Variants in RALGAPA2 observed in about 807,000 individuals in gnomAD.
The protein encoded by RALGAPA2 is Ral GTPase activating protein catalytic subunit alpha 2, also known as ral GTPase-activating protein subunit alpha-2.
A neutral mutation model predicts 230.4 loss-of-function variants in RALGAPA2; 139 were observed. That is an observed-to-expected ratio of 0.60 (90% CI 0.53 to 0.69). RALGAPA2 has a LOEUF of 0.69. RALGAPA2 is among the 30% of genes least tolerant of loss of function. The probability of loss-of-function intolerance (pLI) is 0.00; values close to 1 mark genes in which losing one functional copy is unlikely to be tolerated. For synonymous variants in RALGAPA2, 847 were observed against 837.8 expected (o/e 1.01, Z -0.19); for missense variants, 2,163 against 2,276.0 (o/e 0.95, Z 1.01).
rs1338608775 is a variant in RALGAPA2, at chr20:20,389,885, AT to A, written c.*3403del. The A allele has an allele frequency of 6.6e-6, 1 of 152,158 alleles. No individual in the cohort carries two copies. The highest frequency in any genetic ancestry group is 1.5e-5 in the Non-Finnish European group (1 of 68,032). The allele number at this position is 152,158 out of a possible 1,614,324, so 9.4% of individuals were successfully genotyped here. ...GAATCAAATGACACGCTATAACTTA[AT>A]TTACCATATTTATCAAATTTTTTCC... On this transcript the variant is annotated 3_prime_UTR_variant, in exon 40 of 40. Transcript: ENST00000202677.
intron 37 of RALGAPA2, among the ~76,000 whole-genome samples, chr20:20,454,216 A>T (rs1475925611): frequency 6.6e-6 from 1 of 152,240 alleles, no homozygotes; most frequent in Non-Finnish European, 1.5e-5. Context: ...TGAGATGATC[A>T]GCATAGAGTT....
rs567238480 is a variant in RALGAPA2 at position 20,687,459 on chromosome 20, C to T, written c.107-6658G>A. ...CAGTGATCCAGGACTGATCTCCTGACTTGCTTTGGCCAAAAAGGCCTTAAA... is the reference window on the plus strand; with the variant it reads ...CAGTGATCCAGGACTGATCTCCTGATTTGCTTTGGCCAAAAAGGCCTTAAA... On this transcript the variant is annotated intron_variant, in intron 1 of 39. Transcript: ENST00000202677. Among the ~76,000 whole-genome samples the T allele has an allele frequency of 2.0e-5, 3 of 152,058 alleles. No homozygotes were observed. The South Asian group carries it at 6.2e-4, about 31-fold the overall frequency.
intron 37 of RALGAPA2, among the ~76,000 whole-genome samples, chr20:20,468,368 C>T (rs1231367156): frequency 3.9e-5 from 6 of 152,296 alleles, no homozygotes; most frequent in Non-Finnish European, 5.9e-5. Context: ...TTCTGGCTGC[C>T]GCTCTTCAAT....
intron 37 of RALGAPA2, among the ~76,000 whole-genome samples, chr20:20,420,594 C>T (rs1430250360): frequency 1.3e-5 from 2 of 152,054 alleles, no homozygotes; most frequent in Non-Finnish European, 2.9e-5. Flanking sequence ...GACACACACA[C>T]CCTGGCGTGG....
rs996157480 is a variant in RALGAPA2 at position 20,467,605 on chromosome 20, G to A, written c.5495+5224C>T. Among the ~76,000 whole-genome samples the A allele has an allele frequency of 5.3e-5, 8 of 152,078 alleles. No individual in the cohort carries two copies. In the East Asian group the frequency reaches 5.8e-4, roughly 11 times the overall value. On this transcript the variant is annotated intron_variant, in intron 37 of 39. Transcript: ENST00000202677. ...TTGATTGATTGATTGTATTCTTAGC[G>A]ACTTGAGTTTTAATTTATCCACTTA...
intron 39 of RALGAPA2, among the ~76,000 whole-genome samples, chr20:20,394,508 T>C (rs2059665753): frequency 1.3e-5 from 2 of 152,150 alleles, no homozygotes; most frequent in Middle Eastern, 6.8e-3. Context: ...GGCATGGTGG[T>C]GCGCACCTGT....
chr20:20,429,056 C>G (rs948338607), intron 37 of RALGAPA2, among the ~76,000 whole-genome samples: 1 of 152,116 alleles, frequency 6.6e-6, no homozygotes, highest in Non-Finnish European at 1.5e-5. Flanking sequence ...AAACAAGCTA[C>G]CCAATGTTGG....
At chr20:20,663,586 A>G (rs2146691383) in intron 3 of RALGAPA2, among the ~76,000 whole-genome samples, 1 of 152,080 alleles carries the variant, frequency 6.6e-6, no homozygotes, top group Middle Eastern at 3.4e-3. Context: ...TTTTGGAGCC[A>G]TTATTATTAT....
At chr20:20,486,767 C>T (rs1166805905) in intron 36 of RALGAPA2, among the ~76,000 whole-genome samples, 2 of 152,176 alleles carry the variant, frequency 1.3e-5, no homozygotes, top group African/African-American at 4.8e-5. Flanking sequence ...TGTTTTTCAA[C>T]CTTTTCTCCC....
chr20:20,462,586 T>C (rs1435317589), intron 37 of RALGAPA2, among the ~76,000 whole-genome samples: 1 of 152,150 alleles, frequency 6.6e-6, no homozygotes, highest in African/African-American at 2.4e-5. Flanking sequence ...GTAAAATTCC[T>C]CAGTAGTAAA....
intron 5 of RALGAPA2, among the ~76,000 whole-genome samples, chr20:20,642,228 G>C (rs1477961322): frequency 6.8e-6 from 1 of 147,754 alleles, no homozygotes; most frequent in Non-Finnish European, 1.5e-5. Flanking sequence ...GCAGGGGTCG[G>C]GGGATGGAGT....
chr20:20,518,025 C>T (rs1290863184), intron 31 of RALGAPA2, among the ~76,000 whole-genome samples: 1 of 152,110 alleles, frequency 6.6e-6, no homozygotes, highest in Non-Finnish European at 1.5e-5. Context: ...AGCTACTCAA[C>T]GAGATCCCAG....
chr20:20,599,407 CTACTT>C (rs2065564574), intron 16 of RALGAPA2, among the ~76,000 whole-genome samples: 1 of 152,166 alleles, frequency 6.6e-6, no homozygotes, highest in African/African-American at 2.4e-5. Context: ...TCTTAAGTGT[CTACTT>C]TACGGTGTTC....
intron 23 of RALGAPA2, among the ~76,000 whole-genome samples, chr20:20,549,106 C>T (rs1479229731): frequency 6.6e-6 from 1 of 152,172 alleles, no homozygotes; most frequent in Non-Finnish European, 1.5e-5. Context: ...AGCCCCTTTT[C>T]ACCACTGGAA....
At chr20:20,535,703 T>C in intron 26 of RALGAPA2, 42 bp downstream of exon 26, 3 of 1,530,656 alleles carry the variant, frequency 2.0e-6, no homozygotes, top group East Asian at 2.5e-5. Flanking sequence ...TAAATGTGTA[T>C]CTTAAAATTC....
intron 37 of RALGAPA2, among the ~76,000 whole-genome samples, chr20:20,466,441 G>T (rs2061423236): frequency 6.6e-6 from 1 of 152,206 alleles, no homozygotes; most frequent in African/African-American, 2.4e-5. Context: ...CTTCCTGGTT[G>T]CTTCTATTCA....
chr20:20,532,556 C>T (rs1235472827), intron 26 of RALGAPA2, among the ~76,000 whole-genome samples: 1 of 151,938 alleles, frequency 6.6e-6, no homozygotes, highest in African/African-American at 2.4e-5. Context: ...ACAGTCAGCT[C>T]GGGGGGTCAG....
At chr20:20,521,340 A>G (rs546867025) in intron 30 of RALGAPA2, among the ~76,000 whole-genome samples, 49 of 152,290 alleles carry the variant, frequency 3.2e-4, no homozygotes, top group African/African-American at 1.1e-3. Flanking sequence ...ACTTATTCAC[A>G]TTCTGTGTGA....
Position 20,589,307 on chromosome 20 carries a change from C to A in RALGAPA2, c.2400G>T (p.Glu800Asp). The A allele has an allele frequency of 6.3e-7, 1 of 1,588,660 alleles. No homozygotes were observed. Residue 800 changes from glutamate (E) to aspartate (D), a missense_variant, in exon 18 of 40, where the codon GAG becomes GAT. By Grantham distance (45) the Glu-to-Asp change is conservative. Coordinates refer to ENST00000202677, the MANE Select transcript of RALGAPA2 (RefSeq NM_020343.4). Reference sequence around the variant, plus strand: ...GTTCTCTCTTCACATGTCCTTTATTCTCTTGAATAGGCTGAGGCTCTGAAG... The same window carrying A: ...GTTCTCTCTTCACATGTCCTTTATTATCTTGAATAGGCTGAGGCTCTGAAG... ...SSSSEPQPIQ[E>D]NKGHVKREHE...
Sources: gnomAD v4.1 joint callset for allele counts (sites outside exome capture counted in the v4.1 genomes callset) on GRCh38, gnomAD v4.1.1 for gene constraint, MANE v1.5 for transcripts, NCBI Gene and HGNC (gene_info 2026-07-23, HGNC 2026-07-21) for gene names.